Variants in FRYL observed in about 807,000 individuals in gnomAD.
The protein encoded by FRYL is protein furry homolog-like.
In FRYL, 150 loss-of-function variants were observed where a neutral mutation model predicts 351.2. The ratio of observed to expected loss-of-function variants is 0.43; its 90% confidence interval spans 0.37 to 0.49. FRYL has a LOEUF of 0.49. FRYL is among the 20% of genes least tolerant of loss of function. The pLI is 0.00. For missense variants in FRYL, 3,036 were observed against 3,619.3 expected, an observed-to-expected ratio of 0.84 and a Z score of 4.13; for synonymous variants, 1,153 against 1,257.1, an observed-to-expected ratio of 0.92 and a Z score of 1.75.
chr4:48,733,636 C>T (rs1326278563), intron 1 of FRYL, among the ~76,000 whole-genome samples: 3 of 151,972 alleles, frequency 2.0e-5, no homozygotes, highest in African/African-American at 4.8e-5. Context: ...ATTATATATG[C>T]ATACATATGT....
At chr4:48,540,331 G>T (rs761194130) in intron 46 of FRYL, 22 bp downstream of exon 46, 1 of 1,600,698 alleles carries the variant, frequency 6.2e-7, no homozygotes, top group East Asian at 2.2e-5. Flanking sequence ...GCAAAGTGCT[G>T]GTGCAATTAT....
chr4:48,709,615 A>C (rs984377746), intron 2 of FRYL, among the ~76,000 whole-genome samples: 4 of 152,262 alleles, frequency 2.6e-5, no homozygotes, highest in African/African-American at 9.6e-5. Flanking sequence ...AAAATCTATC[A>C]ATTTGTTCAT....
chr4:48,547,729 T>C lies in FRYL; in HGVS notation c.4929A>G (p.Lys1643=), dbSNP rs1421253036. The change falls in exon 41 of 64, where the codon AAA becomes AAG. Residue 1643 remains lysine, a synonymous_variant. Transcript: ENST00000358350. ...CTATTAATAAGTGCAGAAGCAGGCG[T>C]TTACAATGTTCATACACCTCAGGGT... The part of the protein sequence containing the change: ...HCHPEVYEHC[K]RLLLHLLIVM... 1 of 1,576,450 alleles carries C rather than the reference T, an allele frequency of 6.3e-7. No homozygotes were observed. The highest frequency in any genetic ancestry group is 8.7e-7 in the Non-Finnish European group (1 of 1,155,510).
At chr4:48,510,797 A>G (rs768859456) in intron 58 of FRYL, 38 bp downstream of exon 58, 4 of 1,520,294 alleles carry the variant, frequency 2.6e-6, no homozygotes, top group African/African-American at 1.4e-5. Flanking sequence ...TGCCATTCCA[A>G]TGTAGTCTTT....
At chr4:48,764,299 C>T (rs1427334772) in intron 1 of FRYL, among the ~76,000 whole-genome samples, 1 of 152,104 alleles carries the variant, frequency 6.6e-6, no homozygotes, top group East Asian at 1.9e-4. Flanking sequence ...GAGGTCAAGG[C>T]AGGAGGACTG....
chr4:48,574,428 C>T (rs1163263742), intron 25 of FRYL: 5 of 152,006 alleles, frequency 3.3e-5, no homozygotes, highest in Non-Finnish European at 7.4e-5. Context: ...AATTTATTAA[C>T]CTATTCTTTT....
intron 16 of FRYL, 21 bp downstream of exon 16, chr4:48,593,909 A>G: frequency 9.0e-7 from 1 of 1,108,276 alleles, no homozygotes; most frequent in South Asian, 2.0e-5. Context: ...ATTTTATATT[A>G]TTACATTATA....
chr4:48,623,182 A>G lies in FRYL; in HGVS notation c.121-3T>C. ...AGAGATCTGGACAATAGCTTCTCCT[A>G]TGATTAAAAAAAACAAACATTAAAA... On this transcript the variant is annotated splice_polypyrimidine_tract_variant and splice_region_variant and intron_variant, in intron 4 of 63. Coordinates refer to ENST00000358350, the MANE Select transcript of FRYL (RefSeq NM_015030.2). 1 of 1,417,748 alleles carries G rather than the reference A, an allele frequency of 7.1e-7. No homozygotes were observed. The highest frequency in any genetic ancestry group is 9.6e-7 in the Non-Finnish European group (1 of 1,037,226). The allele number at this position is 1,417,748 out of a possible 1,614,324, so 87.8% of individuals were successfully genotyped here. A position where few individuals can be genotyped will look rare whatever the true frequency, so the allele number is the denominator to read the frequency against.
chr4:48,715,323 G>C (rs1332440532), intron 1 of FRYL, among the ~76,000 whole-genome samples: 1 of 151,876 alleles, frequency 6.6e-6, no homozygotes, highest in Non-Finnish European at 1.5e-5. Context: ...GGAAAAGAGG[G>C]AGTCAAATTG....
chr4:48,725,392 A>C (rs1400389376), intron 1 of FRYL, among the ~76,000 whole-genome samples: 2 of 152,228 alleles, frequency 1.3e-5, no homozygotes, highest in African/African-American at 4.8e-5. Context: ...TCAAGCTCTG[A>C]TACAGCCTGT....
At chr4:48,659,546 G>A (rs1420466436) in intron 3 of FRYL, among the ~76,000 whole-genome samples, 3 of 696 alleles carry the variant, frequency 4.3e-3, no homozygotes, top group African/African-American at 4.5e-3. Flanking sequence ...GAGGGAGAAG[G>A]AGAAGAGGGA....
In FRYL at chr4:48,757,480, C is replaced by G. The variant is rs1267520191; in HGVS notation, c.-384+22598G>C. 4.6e-5 allele frequency among the ~76,000 whole-genome samples: 7 copies of G among 152,242 alleles called. No individual in the cohort carries two copies. The East Asian group carries it at 1.3e-3, about 29-fold the overall frequency. The stretch of plus-strand genomic sequence containing the variant: ...CAGAGAACCAAATCATGAGTGAACT[C>G]CCATTCACAATTGCTTCAAAGAGAA... On this transcript the variant is annotated intron_variant, in intron 1 of 63. Transcript: ENST00000358350.
At chr4:48,632,430 T>TG (rs1753408631) in intron 4 of FRYL, among the ~76,000 whole-genome samples, 1 of 150,540 alleles carries the variant, frequency 6.6e-6, no homozygotes, top group Non-Finnish European at 1.5e-5. Flanking sequence ...TCAGAGACCA[T>TG]TGAAAAAGAA....
intron 1 of FRYL, among the ~76,000 whole-genome samples, chr4:48,754,013 T>A (rs1160110316): frequency 1.3e-5 from 2 of 152,236 alleles, no homozygotes; most frequent in Non-Finnish European, 2.9e-5. Flanking sequence ...TTAATCTATA[T>A]GTATTGACAC....
intron 3 of FRYL, among the ~76,000 whole-genome samples, chr4:48,663,875 T>C (rs1205251797): frequency 6.8e-6 from 1 of 147,752 alleles, no homozygotes; most frequent in African/African-American, 2.5e-5. Flanking sequence ...TGTTCCCACA[T>C]ACAAACACGT....
chr4:48,609,189 T>C (rs748572361), intron 8 of FRYL, 122 bp from the exon 9 acceptor site: 2 of 642,808 alleles, frequency 3.1e-6, no homozygotes, highest in Non-Finnish European at 5.5e-6. Context: ...TTCATTTATA[T>C]GATAAAAGCA....
chr4:48,761,661 G>T (rs1323941716), intron 1 of FRYL, among the ~76,000 whole-genome samples: 1 of 152,030 alleles, frequency 6.6e-6, no homozygotes, highest in Non-Finnish European at 1.5e-5. Flanking sequence ...ATACAAGAAA[G>T]TATCTAAACA....
chr4:48,632,104 A>ATATATGTATATG (rs1553957626), intron 4 of FRYL, among the ~76,000 whole-genome samples: 2 of 49,924 alleles, frequency 4.0e-5, no homozygotes, highest in Non-Finnish European at 8.7e-5. Context: ...ATATATATAT[A>ATATATGTATATG]TATATATATA....
At chr4:48,712,299 C>CCTTT (rs1768162695) in intron 1 of FRYL, among the ~76,000 whole-genome samples, 1 of 151,626 alleles carries the variant, frequency 6.6e-6, no homozygotes, top group African/African-American at 2.4e-5. Flanking sequence ...AAACCAAAGG[C>CCTTT]AAAGAAGTTA....
Sources: gnomAD v4.1 joint callset for allele counts (sites outside exome capture counted in the v4.1 genomes callset) on GRCh38, gnomAD v4.1.1 for gene constraint, MANE v1.5 for transcripts, NCBI Gene and HGNC (gene_info 2026-07-23, HGNC 2026-07-21) for gene names.